ABTB3: variants seen among roughly 807,000 people sequenced by gnomAD.
The protein encoded by ABTB3 is ankyrin repeat and BTB domain containing 3.
the ABTB3 span, among the ~76,000 whole-genome samples, chr12:107,333,429 T>C: frequency 6.6e-6 from 1 of 152,092 alleles, no homozygotes; most frequent in Non-Finnish European, 1.5e-5. Flanking sequence ...ATCGTTGTGG[T>C]CAGATGAGAC....
At chr12:107,626,163 G>A in the ABTB3 span, among the ~76,000 whole-genome samples, 24 of 152,060 alleles carry the variant, frequency 1.6e-4, no homozygotes, top group African/African-American at 3.9e-4. Context: ...TCCCTAGGTC[G>A]TCTGCCGCCT....
the ABTB3 span, among the ~76,000 whole-genome samples, chr12:107,531,110 AC>A: frequency 7.2e-5 from 11 of 152,144 alleles, no homozygotes; most frequent in Non-Finnish European, 1.5e-4. Flanking sequence ...TTGTTCCTTA[AC>A]TTTGGCACTG....
chr12:107,335,779 G>C, the ABTB3 span, among the ~76,000 whole-genome samples: 9 of 152,142 alleles, frequency 5.9e-5, no homozygotes, highest in Admixed American at 2.0e-4. Flanking sequence ...GAGGCTAGGC[G>C]AGTGAGGTAG....
the ABTB3 span, among the ~76,000 whole-genome samples, chr12:107,449,035 C>T: frequency 1.3e-3 from 201 of 152,362 alleles, no homozygotes; most frequent in African/African-American, 4.6e-3. Flanking sequence ...AAAAGAGAGG[C>T]TTGGCTGGAG....
chr12:107,401,776 G>A, the ABTB3 span, among the ~76,000 whole-genome samples: 1 of 152,126 alleles, frequency 6.6e-6, no homozygotes. Context: ...GAGCATCACT[G>A]CTTTATACAT....
chr12:107,396,195 G>C, the ABTB3 span, among the ~76,000 whole-genome samples: 12 of 152,194 alleles, frequency 7.9e-5, no homozygotes, highest in Non-Finnish European at 1.3e-4. Flanking sequence ...TGTCCTCTGC[G>C]TGTTAATAAT....
At chr12:107,655,865 AG>A in the ABTB3 span, among the ~76,000 whole-genome samples, 1 of 152,206 alleles carries the variant, frequency 6.6e-6, no homozygotes, top group African/African-American at 2.4e-5. Flanking sequence ...ATTGAATCTC[AG>A]CTGTTGTGGT....
chr12:107,582,972 T>C, the ABTB3 span, among the ~76,000 whole-genome samples: 32 of 152,322 alleles, frequency 2.1e-4, no homozygotes, highest in South Asian at 1.0e-3. Flanking sequence ...TTGTTTGTCA[T>C]ACCTTCAGGA....
At chr12:107,447,234 C>T in the ABTB3 span, among the ~76,000 whole-genome samples, 1 of 152,144 alleles carries the variant, frequency 6.6e-6, no homozygotes, top group Non-Finnish European at 1.5e-5. Flanking sequence ...CCTCCACCTC[C>T]CAGGTTCAAG....
the ABTB3 span, among the ~76,000 whole-genome samples, chr12:107,524,029 G>A: frequency 6.6e-6 from 1 of 152,306 alleles, no homozygotes; most frequent in African/African-American, 2.4e-5. Context: ...TCGAAGAAAG[G>A]ATTTGCTAAA....
the ABTB3 span, among the ~76,000 whole-genome samples, chr12:107,508,458 T>TTTTTTTTTG: frequency 7.7e-6 from 1 of 129,166 alleles, no homozygotes. Context: ...TTTTTTTTTT[T>TTTTTTTTTG]TTTTTTTTTT....
At chr12:107,397,376 C>A in the ABTB3 span, among the ~76,000 whole-genome samples, 8 of 152,262 alleles carry the variant, frequency 5.3e-5, no homozygotes, top group South Asian at 1.7e-3. Flanking sequence ...GGGCATTGAA[C>A]ATTACACCAT....
At chr12:107,453,333 C>T in the ABTB3 span, among the ~76,000 whole-genome samples, 1 of 152,138 alleles carries the variant, frequency 6.6e-6, no homozygotes, top group Non-Finnish European at 1.5e-5. Flanking sequence ...TGTTGAAATT[C>T]TAACCCCCAA....
At chr12:107,372,496 T>C in the ABTB3 span, among the ~76,000 whole-genome samples, 1 of 152,172 alleles carries the variant, frequency 6.6e-6, no homozygotes. Context: ...AGAGGTTGGA[T>C]AGAGCCTGCG....
the ABTB3 span, among the ~76,000 whole-genome samples, chr12:107,365,798 A>G: frequency 3.0e-4 from 45 of 152,212 alleles, no homozygotes; most frequent in African/African-American, 1.0e-3. Context: ...TGCTGCAGTG[A>G]GTGATGCCAC....
the ABTB3 span, among the ~76,000 whole-genome samples, chr12:107,485,314 G>A: frequency 6.6e-6 from 1 of 152,116 alleles, no homozygotes; most frequent in African/African-American, 2.4e-5. Context: ...TTGTCCTCCT[G>A]AGCTAAGAAA....
chr12:107,657,902 G>T, the ABTB3 span: 1 of 638,012 alleles, frequency 1.6e-6, no homozygotes, highest in Non-Finnish European at 2.7e-6. Flanking sequence ...GATCAGATCA[G>T]CTGGGTCCAG....
At chr12:107,327,886 T>C in the ABTB3 span, among the ~76,000 whole-genome samples, 1 of 152,202 alleles carries the variant, frequency 6.6e-6, no homozygotes, top group Non-Finnish European at 1.5e-5. Flanking sequence ...AGAGAGGTGC[T>C]CTGTCTGTGG....
At chr12:107,319,465 C>A in the ABTB3 span, 39 of 1,606,062 alleles carry the variant, frequency 2.4e-5, no homozygotes, top group Non-Finnish European at 3.1e-5. Flanking sequence ...GGGGCCTGGC[C>A]GCGCACTGTA....
Sources: gnomAD v4.1 joint callset for allele counts (sites outside exome capture counted in the v4.1 genomes callset) on GRCh38, gnomAD v4.1.1 for gene constraint, MANE v1.5 for transcripts, NCBI Gene and HGNC (gene_info 2026-07-23, HGNC 2026-07-21) for gene names.